CDKAL1: variants seen among roughly 807,000 people sequenced by gnomAD.
CDKAL1 encodes the protein CDKAL1 threonylcarbamoyladenosine tRNA methylthiotransferase.
A neutral mutation model predicts 68.2 loss-of-function variants in CDKAL1; 32 were observed. The ratio of observed to expected loss-of-function variants is 0.47; its 90% confidence interval spans 0.35 to 0.63. The LOEUF is 0.63. Among genes scored for constraint, CDKAL1 ranks in the 30% least tolerant of loss-of-function variants. CDKAL1 has a pLI of 0.00. For synonymous variants in CDKAL1, 234 were observed against 244.3 expected, an observed-to-expected ratio of 0.96 and a Z score of 0.39; for missense variants, 606 against 696.7, an observed-to-expected ratio of 0.87 and a Z score of 1.47.
At chr6:20,947,591 AAAAAC>A (rs1002654146) in intron 9 of CDKAL1, among the ~76,000 whole-genome samples, 1 of 152,162 alleles carries the variant, frequency 6.6e-6, no homozygotes, top group African/African-American at 2.4e-5. Flanking sequence ...ACCCTGTCTT[AAAAAC>A]AAAACAAAAC....
At chr6:20,794,369 T>C (rs1776025544) in intron 8 of CDKAL1, among the ~76,000 whole-genome samples, 1 of 152,156 alleles carries the variant, frequency 6.6e-6, no homozygotes, top group Non-Finnish European at 1.5e-5. Context: ...GTTCACACAG[T>C]GAGCAACAGT....
chr6:20,994,340 A>G (rs906267001), intron 10 of CDKAL1, among the ~76,000 whole-genome samples: 1 of 152,302 alleles, frequency 6.6e-6, no homozygotes, highest in African/African-American at 2.4e-5. Flanking sequence ...TTAGCCAGGT[A>G]CGGTGGCAGG....
intron 4 of CDKAL1, among the ~76,000 whole-genome samples, chr6:20,579,561 A>G (rs886334068): frequency 6.6e-6 from 1 of 152,056 alleles, no homozygotes; most frequent in African/African-American, 2.4e-5. Context: ...TGAAGTGGGA[A>G]TTTTTTCTGT....
intron 4 of CDKAL1, among the ~76,000 whole-genome samples, chr6:20,643,558 G>A (rs1259999321): frequency 6.6e-6 from 1 of 152,234 alleles, no homozygotes; most frequent in South Asian, 2.1e-4. Context: ...TGCATAAGGG[G>A]GTAAGCCATG....
intron 4 of CDKAL1, among the ~76,000 whole-genome samples, chr6:20,623,879 G>C (rs953676291): frequency 9.2e-5 from 14 of 152,066 alleles, no homozygotes; most frequent in Admixed American, 9.2e-4. Flanking sequence ...CATCTGTAAA[G>C]TGGGGCTAAT....
chr6:21,082,824 C>T (rs1044275233), intron 12 of CDKAL1, among the ~76,000 whole-genome samples: 1 of 149,676 alleles, frequency 6.7e-6, no homozygotes, highest in Non-Finnish European at 1.5e-5. Flanking sequence ...AATGTGATAT[C>T]TTGGGGATGC....
intron 11 of CDKAL1, among the ~76,000 whole-genome samples, chr6:21,031,785 T>C (rs1421098577): frequency 6.6e-6 from 1 of 152,122 alleles, no homozygotes; most frequent in Non-Finnish European, 1.5e-5. Context: ...TTTCAGTGCG[T>C]TATTTGCATG....
Position 21,012,661 on chromosome 6 carries a change from A to G in CDKAL1, c.1055+12289A>G, listed in dbSNP as rs138616306. ...GGAAATCCTGGAGCCTTTCTGCGCA[A>G]GCACTGAAGGACGGTCTTTAGTACC... On this transcript the variant is annotated intron_variant, in intron 11 of 15. Coordinates refer to ENST00000274695, the MANE Select transcript of CDKAL1 (RefSeq NM_017774.3). 1.3e-3 allele frequency among the ~76,000 whole-genome samples: 196 copies of G among 152,308 alleles called. 1 individual carries two copies. The highest frequency in any genetic ancestry group is 2.1e-3 in the South Asian group (10 of 4,822).
At chr6:20,598,014 T>C (rs536274715) in intron 4 of CDKAL1, among the ~76,000 whole-genome samples, 9 of 152,328 alleles carry the variant, frequency 5.9e-5, no homozygotes, top group African/African-American at 2.2e-4. Context: ...TTCTCTCTCT[T>C]TTATCTCCTG....
rs972570217 is a variant in CDKAL1, at chr6:20,745,330, A to C, written c.468+5715A>C. ...TACACCATGTTGCAAAAGGTAAACA[A>C]ATTCACAAAGTGGAGCAGTGTCACA... is the stretch of plus-strand genomic sequence containing the variant. On this transcript the variant is annotated intron_variant, in intron 6 of 15. Coordinates refer to ENST00000274695, the MANE Select transcript of CDKAL1 (RefSeq NM_017774.3). 2.0e-5 allele frequency among the ~76,000 whole-genome samples: 3 copies of C among 152,340 alleles called. No individual in the cohort carries two copies. The East Asian group carries it at 5.8e-4, about 29-fold the overall frequency.
intron 10 of CDKAL1, among the ~76,000 whole-genome samples, chr6:20,971,308 G>T (rs964131874): frequency 6.6e-6 from 1 of 152,230 alleles, no homozygotes; most frequent in Non-Finnish European, 1.5e-5. Flanking sequence ...TTTCTTGATA[G>T]ATGATGTCCC....
chr6:21,206,127 G>A (rs1392866980), intron 15 of CDKAL1, among the ~76,000 whole-genome samples: 6 of 151,986 alleles, frequency 3.9e-5, no homozygotes, highest in Non-Finnish European at 7.4e-5. Flanking sequence ...CACCACACCG[G>A]ACCAGTCAAG....
At chr6:20,625,859 G>A (rs187833038) in intron 4 of CDKAL1, among the ~76,000 whole-genome samples, 19 of 152,218 alleles carry the variant, frequency 1.2e-4, no homozygotes, top group Middle Eastern at 3.4e-3. Flanking sequence ...GGGAAACTCT[G>A]CACCCCTTTG....
chr6:20,689,121 A>G (rs1770760509), intron 5 of CDKAL1, among the ~76,000 whole-genome samples: 1 of 152,178 alleles, frequency 6.6e-6, no homozygotes, highest in South Asian at 2.1e-4. Flanking sequence ...GCAGACTTTA[A>G]GAACAGAGTA....
At position 20,626,285 on chromosome 6, in the gene CDKAL1, G is replaced by C. The variant is rs531117867; in HGVS notation, c.287-23008G>C. On this transcript the variant is annotated intron_variant, in intron 4 of 15. Transcript: ENST00000274695. ...CTCATCTGTCTCATTTTGCAAATAA[G>C]CTTCCTGCTAGAAAGTTGGCTAGAT... Among the ~76,000 whole-genome samples the C allele has an allele frequency of 3.9e-5, 6 of 152,200 alleles. No homozygotes were observed. In the South Asian group the frequency reaches 1.2e-3, roughly 32 times the overall value.
rs1311906717 is a variant in CDKAL1 at position 20,955,489 on chromosome 6, C to T, written c.813C>T (p.Leu271=). 4 of 1,614,002 alleles carry T rather than the reference C, an allele frequency of 2.5e-6. No homozygotes were observed. Among genetic ancestry groups the T allele is most frequent in the Non-Finnish European group, 3.4e-6 (4 of 1,179,990 alleles). ...GAYGRDIGTN[L]PTLLWKLVEV... ...ATGGCAGAGATATTGGCACCAATCT[C>T]CCCACACTCCTGTGGAAACTGGTTG... Residue 271 remains leucine (L), a synonymous_variant, in exon 10 of 16, where the codon CTC becomes CTT. Transcript: ENST00000274695.
In CDKAL1 at chr6:20,682,866, A is replaced by C. The variant is rs149101111; in HGVS notation, c.371+33489A>C. On this transcript the variant is annotated intron_variant, in intron 5 of 15. Transcript: ENST00000274695. ...AATATCACTAGTGCTAAGTAACATA[A>C]CCTCTCAGATGCTTACTGAATTGAT... is the stretch of plus-strand genomic sequence containing the variant. Among the ~76,000 whole-genome samples, 22 of 151,664 alleles carry C rather than the reference A, an allele frequency of 1.5e-4. 1 individual carries two copies. The East Asian group carries it at 4.1e-3, about 28-fold the overall frequency.
chr6:20,840,623 G>A (rs1778137600), intron 8 of CDKAL1, among the ~76,000 whole-genome samples: 1 of 152,056 alleles, frequency 6.6e-6, no homozygotes, highest in Non-Finnish European at 1.5e-5. Flanking sequence ...AAGAAGGTAG[G>A]GTTTTGGAAG....
chr6:20,963,810 C>A (rs1431988802), intron 10 of CDKAL1, among the ~76,000 whole-genome samples: 2 of 152,150 alleles, frequency 1.3e-5, no homozygotes, highest in African/African-American at 4.8e-5. Flanking sequence ...CTGGTATTCT[C>A]AGTTCCAGTG....
Sources: allele counts gnomAD v4.1 joint callset (sites outside exome capture counted in the v4.1 genomes callset), GRCh38; gene constraint gnomAD v4.1.1; transcripts MANE v1.5; gene names NCBI Gene and HGNC (gene_info 2026-07-23, HGNC 2026-07-21).